PHLPP1: variants seen among roughly 807,000 people sequenced by gnomAD.
The protein encoded by PHLPP1 is PH domain leucine-rich repeat-containing protein phosphatase 1.
Under a neutral mutation model 117.2 loss-of-function variants are expected in PHLPP1, and 42 were observed. The ratio of observed to expected loss-of-function variants is 0.36; its 90% CI spans 0.28 to 0.46. The LOEUF is 0.46. Among genes scored for constraint, PHLPP1 ranks in the 20% least tolerant of loss-of-function variants. The probability of loss-of-function intolerance (pLI) is 1.00; values close to 1 mark genes in which losing one functional copy is unlikely to be tolerated. For synonymous variants in PHLPP1, 1,042 were observed against 970.7 expected, an observed-to-expected ratio of 1.07 and a Z score of -1.37; for missense variants, 2,084 against 2,241.9, an observed-to-expected ratio of 0.93 and a Z score of 1.42.
rs185527729 is a variant in PHLPP1 at position 62,967,337 on chromosome 18, G to T, written c.3560+3865G>T. Among the ~76,000 whole-genome samples, 1,127 of 152,292 alleles carry T rather than the reference G, an allele frequency of 7.4e-3. 13 individuals are homozygous for T. Among genetic ancestry groups the T allele is most frequent in the Middle Eastern group, 0.034 (10 of 294 alleles). ...GAAACTGCCAAACTGTTTCCAAAGT[G>T]CCTGTATCATTTCGCGCTCCCAACA... On this transcript the variant is annotated intron_variant, in intron 14 of 16. Transcript: ENST00000262719.
chr18:62,917,682 G>A (rs937399340), intron 9 of PHLPP1, among the ~76,000 whole-genome samples: 1 of 151,792 alleles, frequency 6.6e-6, no homozygotes, highest in Non-Finnish European at 1.5e-5. Flanking sequence ...ATATGGTGGC[G>A]TGTGCCTGTA....
Position 62,831,718 on chromosome 18 carries a change from G to A in PHLPP1, c.1773+1487G>A, listed in dbSNP as rs80003472. On this transcript the variant is annotated intron_variant, in intron 2 of 16. Coordinates refer to ENST00000262719, the MANE Select transcript of PHLPP1 (RefSeq NM_194449.4). ...AAGTGAAGGAAGTAAGACCACATGT[G>A]TATGGTAATAAATGGTTTTGTTGCT... Among the ~76,000 whole-genome samples the A allele has an allele frequency of 6.6e-5, 10 of 152,334 alleles. No homozygotes were observed. The East Asian group carries it at 1.9e-3, about 29-fold the overall frequency.
chr18:62,959,884 G>C (rs1411007261), intron 13 of PHLPP1, among the ~76,000 whole-genome samples: 1 of 152,120 alleles, frequency 6.6e-6, no homozygotes, highest in Non-Finnish European at 1.5e-5. Context: ...AACACTGCCT[G>C]AGTGTCCTGA....
intron 4 of PHLPP1, among the ~76,000 whole-genome samples, chr18:62,882,723 A>G (rs1183122441): frequency 6.6e-6 from 1 of 152,202 alleles, no homozygotes; most frequent in Non-Finnish European, 1.5e-5. Context: ...AAGAACAACA[A>G]CATGTGCTTG....
rs1190910959 is a variant in PHLPP1 at position 62,716,326 on chromosome 18, T to C, written c.643T>C (p.Tyr215His). 1.3e-6 allele frequency: 2 copies of C among 1,530,220 alleles called. No homozygotes were observed. The highest frequency in any genetic ancestry group is 1.4e-5 in the African/African-American group (1 of 72,026). The allele number at this position is 1,530,220 out of a possible 1,614,324, so 94.8% of individuals were successfully genotyped here. A position where few individuals can be genotyped will look rare whatever the true frequency, so the allele number is the denominator to read the frequency against. The change falls in exon 1 of 17, where the codon TAC becomes CAC. Residue 215 changes from tyrosine to histidine, a missense_variant. Physicochemically the swap from Tyr to His is moderately conservative, Grantham distance 83. Coordinates refer to ENST00000262719, the MANE Select transcript of PHLPP1 (RefSeq NM_194449.4). The surrounding 1 kb of genome is among the most constrained non-coding windows in gnomAD (Gnocchi z 5.7). ...CTTCGACCGCCACATGGCCTCGACC[T>C]ACCTGCGCCCGGTGCTCTGCACACT... is the stretch of plus-strand genomic sequence containing the variant. ...HVFDRHMAST[Y>H]LRPVLCTLDT... is the part of the protein sequence containing the mutation.
chr18:62,808,559 T>G (rs376942569), intron 1 of PHLPP1, among the ~76,000 whole-genome samples: 2 of 150,076 alleles, frequency 1.3e-5, no homozygotes, highest in African/African-American at 4.9e-5. Flanking sequence ...TTTTTTTTGT[T>G]TTTTTTTTTT....
At position 62,838,828 on chromosome 18, in the gene PHLPP1, C is replaced by T. The variant is rs994611445; in HGVS notation, c.1818C>T (p.Ser606=). 15 of 1,613,686 alleles carry T rather than the reference C, an allele frequency of 9.3e-6. No individual in the cohort carries two copies. Among genetic ancestry groups the T allele is most frequent in the Non-Finnish European group, 1.2e-5 (14 of 1,179,628 alleles). ...ACCAACACTGTTTAGCATTTAGCTC[C>T]TCTGGACCCCAAAGCCAGACTTACT... ...KKHQHCLAFS[S]SGPQSQTYYI... The change falls in exon 3 of 17, where the codon TCC becomes TCT. Residue 606 remains serine, a synonymous_variant. Transcript: ENST00000262719.
At chr18:62,791,625 A>G (rs180776031) in intron 1 of PHLPP1, among the ~76,000 whole-genome samples, 1 of 152,332 alleles carries the variant, frequency 6.6e-6, no homozygotes, top group Admixed American at 6.5e-5. Context: ...ATCTTTAAAC[A>G]AGTACTCTAA....
intron 12 of PHLPP1, among the ~76,000 whole-genome samples, chr18:62,949,114 CAGTAGGTGT>C (rs1221686731): frequency 1.3e-5 from 2 of 152,066 alleles, no homozygotes; most frequent in African/African-American, 4.8e-5. Flanking sequence ...AAATAAAGTG[CAGTAGGTGT>C]TACTTGTAAA....
chr18:62,888,800 C>G (rs768432432), intron 4 of PHLPP1, among the ~76,000 whole-genome samples: 10 of 152,188 alleles, frequency 6.6e-5, no homozygotes, highest in Admixed American at 2.0e-4. Context: ...TAGACTTTTC[C>G]TCCATACCAG....
intron 6 of PHLPP1, among the ~76,000 whole-genome samples, chr18:62,902,640 G>A (rs535055087): frequency 4.8e-4 from 73 of 152,156 alleles, no homozygotes; most frequent in Non-Finnish European, 8.1e-4. Context: ...TCAGTTCCTA[G>A]TTCTTTGGAA....
chr18:62,931,119 C>A (rs1909792573), intron 10 of PHLPP1, among the ~76,000 whole-genome samples: 2 of 151,688 alleles, frequency 1.3e-5, no homozygotes, highest in Non-Finnish European at 2.9e-5. Context: ...ATTGCTTGAA[C>A]CCGGGAGGCA....
chr18:62,732,145 T>A (rs533659586), intron 1 of PHLPP1, among the ~76,000 whole-genome samples: 1 of 152,348 alleles, frequency 6.6e-6, no homozygotes, highest in South Asian at 2.1e-4. Context: ...TCAGTGTAGA[T>A]GGATGAAGCA....
At chr18:62,963,197 A>G (rs1190629473) in intron 13 of PHLPP1, among the ~76,000 whole-genome samples, 171 bp from the exon 14 acceptor site, 1 of 152,212 alleles carries the variant, frequency 6.6e-6, no homozygotes, top group Non-Finnish European at 1.5e-5. Flanking sequence ...TTTTCATTAC[A>G]ACGAGTAGCT....
chr18:62,737,716 C>T (rs963436309), intron 1 of PHLPP1, among the ~76,000 whole-genome samples: 2 of 151,968 alleles, frequency 1.3e-5, no homozygotes, highest in African/African-American at 2.4e-5. Context: ...GTGATAGGGT[C>T]GGTGGGAGAT....
rs565777584 is a variant in PHLPP1, at chr18:62,779,386, C to T, written c.1577-50649C>T. 2.0e-5 allele frequency: 3 copies of T among 152,254 alleles called. No individual in the cohort carries two copies. In the South Asian group the frequency reaches 6.2e-4, roughly 32 times the overall value. 9.4% of individuals were successfully genotyped at this position (152,254 alleles called of 1,614,324 possible). On this transcript the variant is annotated intron_variant, in intron 1 of 16. Coordinates refer to ENST00000262719, the MANE Select transcript of PHLPP1 (RefSeq NM_194449.4). ...TGTCTCCATGGTACTTGTCACCCTG[C>T]CTCTTGTTGGTCAGTAATCCTCAGG...
chr18:62,723,669 T>C (rs1482867416), intron 1 of PHLPP1, among the ~76,000 whole-genome samples: 5 of 152,060 alleles, frequency 3.3e-5, no homozygotes, highest in African/African-American at 1.2e-4. Context: ...TTGGCTGGTG[T>C]GTTGGGGGTG....
At chr18:62,963,121 T>C (rs1411191988) in intron 13 of PHLPP1, among the ~76,000 whole-genome samples, 3 of 152,210 alleles carry the variant, frequency 2.0e-5, no homozygotes, top group Non-Finnish European at 4.4e-5. Flanking sequence ...TGTGTGAAAG[T>C]CTCTAATAGC....
At position 62,915,026 on chromosome 18, in the gene PHLPP1, A is replaced by G. The variant is rs1177885583; in HGVS notation, c.2804+18A>G. ...CCTGCCCGGTGAGTATTACAGATCA[A>G]ATGAGAGGATCTCACAATAAATGAG... On this transcript the variant is annotated intron_variant, in intron 9 of 16. Coordinates refer to ENST00000262719, the MANE Select transcript of PHLPP1 (RefSeq NM_194449.4). The G allele has an allele frequency of 2.0e-6, 3 of 1,532,816 alleles. No individual in the cohort carries two copies. Among genetic ancestry groups the G allele is most frequent in the Middle Eastern group, 1.7e-4 (1 of 5,876 alleles). 95.0% of individuals were successfully genotyped at this position (1,532,816 alleles called of 1,614,324 possible). A position where few individuals can be genotyped will look rare whatever the true frequency, so the allele number is the denominator to read the frequency against.
Sources: allele counts gnomAD v4.1 joint callset (sites outside exome capture counted in the v4.1 genomes callset), GRCh38; gene constraint gnomAD v4.1.1; non-coding constraint Gnocchi (gnomAD v3.1); transcripts MANE v1.5; gene names NCBI Gene and HGNC (gene_info 2026-07-23, HGNC 2026-07-21).